TAFA5: variants seen among roughly 807,000 people sequenced by gnomAD.
TAFA5 encodes the protein TAFA chemokine like family member 5, also known as chemokine-like protein TAFA-5.
Under a neutral mutation model 15.3 loss-of-function variants are expected in TAFA5, and 6 were observed. The ratio of observed to expected loss-of-function variants is 0.39; its 90% CI spans 0.21 to 0.77. The LOEUF (loss-of-function observed/expected upper bound fraction) is 0.77, where lower values mean the gene tolerates loss of function less well. Ranked by LOEUF, TAFA5 falls within the 30% of genes least tolerant of loss-of-function variation. The pLI is 0.41. For synonymous variants in TAFA5, 103 were observed against 80.7 expected (o/e 1.28, Z -1.48); for missense variants, 161 against 193.1 (o/e 0.83, Z 0.98).
intron 3 of TAFA5, among the ~76,000 whole-genome samples, chr22:48,711,151 C>T (rs1040085895): frequency 9.9e-5 from 15 of 152,132 alleles, no homozygotes; most frequent in Non-Finnish European, 2.2e-4. Context: ...CAGGACACTC[C>T]GTCATCCAGC....
At chr22:48,577,489 C>T (rs1236293356) in intron 1 of TAFA5, among the ~76,000 whole-genome samples, 1 of 152,214 alleles carries the variant, frequency 6.6e-6, no homozygotes, top group Admixed American at 6.5e-5. Flanking sequence ...GGCACACAGG[C>T]TGGGCCAGCT....
intron 2 of TAFA5, among the ~76,000 whole-genome samples, chr22:48,658,045 T>C (rs1927307510): frequency 6.6e-6 from 1 of 152,130 alleles, no homozygotes; most frequent in Admixed American, 6.5e-5. Context: ...TTGAGGAAAT[T>C]CTCTCCAGGA....
intron 2 of TAFA5, among the ~76,000 whole-genome samples, chr22:48,676,092 C>A (rs988622428): frequency 1.3e-5 from 2 of 152,256 alleles, no homozygotes; most frequent in Non-Finnish European, 2.9e-5. Context: ...CTGATCTCAG[C>A]CCCCAGAGGG....
At chr22:48,724,337 G>A (rs1302075068) in intron 3 of TAFA5, among the ~76,000 whole-genome samples, 3 of 152,224 alleles carry the variant, frequency 2.0e-5, no homozygotes, top group Non-Finnish European at 4.4e-5. Context: ...TGTGACTGAT[G>A]AGGTTTCAAG....
chr22:48,667,834 A>G (rs191899960), intron 2 of TAFA5, among the ~76,000 whole-genome samples: 17,994 of 26,114 alleles, frequency 0.69, 7,324 homozygotes, highest in East Asian at 0.99. Flanking sequence ...CCCAGCACTC[A>G]GGGCCGCGTC....
intron 1 of TAFA5, among the ~76,000 whole-genome samples, chr22:48,599,223 A>C (rs762830027): frequency 6.6e-6 from 1 of 152,208 alleles, no homozygotes; most frequent in African/African-American, 2.4e-5. Context: ...ATGATAAGGC[A>C]GAAAGTCCCA....
chr22:48,633,151 C>T (rs1926293956), intron 1 of TAFA5, among the ~76,000 whole-genome samples: 1 of 152,174 alleles, frequency 6.6e-6, no homozygotes, highest in Non-Finnish European at 1.5e-5. Context: ...CACTGGGCAG[C>T]AAGGAGGAGG....
intron 2 of TAFA5, among the ~76,000 whole-genome samples, chr22:48,649,538 C>T (rs1275603620): frequency 6.6e-6 from 1 of 152,194 alleles, no homozygotes; most frequent in Non-Finnish European, 1.5e-5. Flanking sequence ...TAGAAGGCAT[C>T]TGATTAAACA....
At chr22:48,707,921 T>C in intron 3 of TAFA5, 77 bp downstream of exon 3, 2 of 1,540,796 alleles carry the variant, frequency 1.3e-6, no homozygotes, top group South Asian at 1.2e-5. Flanking sequence ...CCACCCGGGC[T>C]CCGCGGGGAC....
At chr22:48,548,085 AGCTGGTGCT>A (rs1333305912) in intron 1 of TAFA5, among the ~76,000 whole-genome samples, 1 of 152,174 alleles carries the variant, frequency 6.6e-6, no homozygotes, top group African/African-American at 2.4e-5. Context: ...TGAACATGGC[AGCTGGTGCT>A]GCAGGTGCAC....
At chr22:48,749,187 G>A (rs1451040204) in intron 3 of TAFA5, among the ~76,000 whole-genome samples, 1 of 152,214 alleles carries the variant, frequency 6.6e-6, no homozygotes, top group Non-Finnish European at 1.5e-5. Flanking sequence ...CCCCTAGGGG[G>A]CCTGGAGTGG....
chr22:48,651,704 C>T (rs564153192), intron 2 of TAFA5, among the ~76,000 whole-genome samples: 55 of 152,258 alleles, frequency 3.6e-4, no homozygotes, highest in African/African-American at 1.2e-3. Flanking sequence ...CTGTGCTTCA[C>T]GTGTGGTTTA....
intron 1 of TAFA5, among the ~76,000 whole-genome samples, chr22:48,627,436 G>T (rs1926064151): frequency 6.6e-6 from 1 of 152,374 alleles, no homozygotes; most frequent in East Asian, 1.9e-4. Context: ...CGTGCAGGCT[G>T]GGCCAGTGCC....
chr22:48,502,368 A>C (rs1372224750), intron 1 of TAFA5, among the ~76,000 whole-genome samples: 2 of 151,802 alleles, frequency 1.3e-5, no homozygotes, highest in South Asian at 4.2e-4. Flanking sequence ...GTTCTAAAGC[A>C]TGCCTGGGGC....
chr22:48,643,446 C>T (rs1926754143), intron 1 of TAFA5, among the ~76,000 whole-genome samples: 1 of 152,092 alleles, frequency 6.6e-6, no homozygotes, highest in African/African-American at 2.4e-5. Flanking sequence ...TGGGGACCGC[C>T]TGGGTGAGGG....
At chr22:48,747,895 TA>T (rs130233) in intron 3 of TAFA5, among the ~76,000 whole-genome samples, 44,329 of 121,326 alleles carry the variant, frequency 0.37, 7,957 homozygotes, top group Non-Finnish European at 0.42. Context: ...AGACTCTGTC[TA>T]AAAAAAAAAA....
At chr22:48,606,198 C>T (rs945127032) in intron 1 of TAFA5, among the ~76,000 whole-genome samples, 1 of 152,170 alleles carries the variant, frequency 6.6e-6, no homozygotes, top group African/African-American at 2.4e-5. Flanking sequence ...ACCCTGGGAC[C>T]CCAAAATCCC....
At chr22:48,614,183 T>G (rs1430797370) in intron 1 of TAFA5, among the ~76,000 whole-genome samples, 1 of 152,190 alleles carries the variant, frequency 6.6e-6, no homozygotes, top group Non-Finnish European at 1.5e-5. Context: ...CTGAAGGGCC[T>G]GCGCAGAGCT....
chr22:48,725,021 C>T (rs1929675157), intron 3 of TAFA5, among the ~76,000 whole-genome samples: 2 of 152,242 alleles, frequency 1.3e-5, no homozygotes, highest in Admixed American at 6.5e-5. Context: ...GCTCTCATTC[C>T]CAAAGGAGCA....
Sources: allele counts gnomAD v4.1 joint callset (sites outside exome capture counted in the v4.1 genomes callset), GRCh38; gene constraint gnomAD v4.1.1; transcripts MANE v1.5; gene names NCBI Gene and HGNC (gene_info 2026-07-23, HGNC 2026-07-21).